The following ENTREP2 variants were observed in gnomAD, a reference collection of about 807,000 sequenced individuals.
ENTREP2 encodes the protein protein ENTREP2.
chr15:29,284,360 C>A, the ENTREP2 span, among the ~76,000 whole-genome samples: 1 of 151,976 alleles, frequency 6.6e-6, no homozygotes, highest in Non-Finnish European at 1.5e-5. Context: ...GAGTTCCAGA[C>A]CAGCCTGGCC....
the ENTREP2 span, among the ~76,000 whole-genome samples, chr15:29,500,540 A>T: frequency 6.6e-6 from 1 of 152,070 alleles, no homozygotes; most frequent in African/African-American, 2.4e-5. Flanking sequence ...CTTTGAGATA[A>T]AATAAAAATA....
At chr15:29,611,697 G>A in the ENTREP2 span, among the ~76,000 whole-genome samples, 4 of 151,950 alleles carry the variant, frequency 2.6e-5, no homozygotes, top group African/African-American at 7.3e-5. Context: ...GCTTTATCTC[G>A]GGGTTTGATG....
At chr15:29,135,161 C>T in the ENTREP2 span, among the ~76,000 whole-genome samples, 6 of 151,758 alleles carry the variant, frequency 4.0e-5, no homozygotes, top group South Asian at 2.1e-4. The surrounding 1 kb of genome is among the most constrained non-coding windows in gnomAD (Gnocchi z 7.4). Context: ...CCTGCCCACG[C>T]CCTCTGCTCC....
chr15:29,587,162 TGTGTGTG>T, the ENTREP2 span, among the ~76,000 whole-genome samples: 1 of 136,454 alleles, frequency 7.3e-6, no homozygotes, highest in African/African-American at 2.6e-5. Flanking sequence ...TGTGTGTGTG[TGTGTGTG>T]TGTGTGTGTG....
At chr15:29,407,445 A>T in the ENTREP2 span, among the ~76,000 whole-genome samples, 1 of 152,176 alleles carries the variant, frequency 6.6e-6, no homozygotes, top group Non-Finnish European at 1.5e-5. Context: ...ATGTATGAGC[A>T]CATGAAGTCT....
At chr15:29,537,634 C>G in the ENTREP2 span, among the ~76,000 whole-genome samples, 1 of 152,160 alleles carries the variant, frequency 6.6e-6, no homozygotes, top group East Asian at 1.9e-4. Flanking sequence ...CTTTGCGACC[C>G]TGGCCCTCCT....
chr15:29,355,180 G>A, the ENTREP2 span, among the ~76,000 whole-genome samples: 2 of 152,168 alleles, frequency 1.3e-5, no homozygotes, highest in Non-Finnish European at 2.9e-5. Flanking sequence ...CCAGGAGCCA[G>A]GGCAGCTCTC....
chr15:29,292,946 C>A, the ENTREP2 span, among the ~76,000 whole-genome samples: 5 of 152,210 alleles, frequency 3.3e-5, no homozygotes, highest in Non-Finnish European at 7.3e-5. Flanking sequence ...AAACTTATGG[C>A]TTCTCAATAC....
chr15:29,533,414 T>G, the ENTREP2 span, among the ~76,000 whole-genome samples: 1 of 152,206 alleles, frequency 6.6e-6, no homozygotes, highest in Non-Finnish European at 1.5e-5. Flanking sequence ...GGGGATGGAA[T>G]GCAATAGCTT....
the ENTREP2 span, chr15:29,126,566 A>T: frequency 7.9e-7 from 1 of 1,271,434 alleles, no homozygotes; most frequent in Non-Finnish European, 1.1e-6. Flanking sequence ...TGCCCCTCAA[A>T]CTCCAGACCT....
At chr15:29,126,840 C>T in the ENTREP2 span, among the ~76,000 whole-genome samples, 1 of 152,202 alleles carries the variant, frequency 6.6e-6, no homozygotes, top group East Asian at 1.9e-4. Flanking sequence ...GGCATCCCCA[C>T]CAGGTCGCGG....
At chr15:29,223,939 G>C in the ENTREP2 span, among the ~76,000 whole-genome samples, 1 of 152,140 alleles carries the variant, frequency 6.6e-6, no homozygotes, top group Non-Finnish European at 1.5e-5. Context: ...CCCAGCTCGC[G>C]CCCAGCTCTG....
At chr15:29,390,949 T>C in the ENTREP2 span, among the ~76,000 whole-genome samples, 3 of 152,112 alleles carry the variant, frequency 2.0e-5, no homozygotes, top group Admixed American at 6.5e-5. Context: ...GTGGAAAGAA[T>C]TGTTGCAAAA....
chr15:29,377,854 A>AATAATAATG, the ENTREP2 span, among the ~76,000 whole-genome samples: 2 of 141,934 alleles, frequency 1.4e-5, no homozygotes, highest in Non-Finnish European at 3.1e-5. Context: ...TAATAATAAT[A>AATAATAATG]ATAATAATAA....
the ENTREP2 span, among the ~76,000 whole-genome samples, chr15:29,628,607 G>A: frequency 3.5e-3 from 527 of 152,260 alleles, 5 homozygotes; most frequent in African/African-American, 0.012. Flanking sequence ...TGCTGACAGA[G>A]GGGAATTCAA....
At chr15:29,125,615 G>A in the ENTREP2 span, among the ~76,000 whole-genome samples, 1 of 152,200 alleles carries the variant, frequency 6.6e-6, no homozygotes, top group Non-Finnish European at 1.5e-5. Flanking sequence ...GGAGGTCAAA[G>A]GCCCACCAAT....
chr15:29,657,309 C>T, the ENTREP2 span, among the ~76,000 whole-genome samples: 2 of 151,836 alleles, frequency 1.3e-5, no homozygotes, highest in Admixed American at 6.6e-5. Context: ...ATCCACCTAC[C>T]TCAGCCTCCC....
At chr15:29,167,076 C>T in the ENTREP2 span, among the ~76,000 whole-genome samples, 1 of 152,092 alleles carries the variant, frequency 6.6e-6, no homozygotes, top group African/African-American at 2.4e-5. Context: ...GGAAAGGACA[C>T]TCTTTTCAAC....
the ENTREP2 span, among the ~76,000 whole-genome samples, chr15:29,450,641 T>C: frequency 0.037 from 5,601 of 152,284 alleles, 138 homozygotes; most frequent in South Asian, 0.11. Context: ...TATAAATCAT[T>C]CTATCATAAA....
Sources: allele counts gnomAD v4.1 joint callset (sites outside exome capture counted in the v4.1 genomes callset), GRCh38; gene constraint gnomAD v4.1.1; non-coding constraint Gnocchi (gnomAD v3.1); transcripts MANE v1.5; gene names NCBI Gene and HGNC (gene_info 2026-07-23, HGNC 2026-07-21).